PAPPA: variants seen among roughly 807,000 people sequenced by gnomAD.
The protein encoded by PAPPA is pappalysin 1.
PAPPA carries 60 observed loss-of-function variants against 164.0 expected under a neutral mutation model. That is an observed-to-expected ratio of 0.37 (90% CI 0.30 to 0.45). PAPPA has a LOEUF of 0.45. PAPPA is among the 20% of genes least tolerant of loss of function. PAPPA has a pLI of 1.00. For synonymous variants in PAPPA, 875 were observed against 814.1 expected (o/e 1.07, Z -1.27); for missense variants, 1,782 against 2,087.3 (o/e 0.85, Z 2.85).
Position 116,302,742 on chromosome 9 carries a change from G to C in PAPPA, c.2954-15G>C, listed in dbSNP as rs371674342. The C allele has an allele frequency of 1.2e-6, 2 of 1,600,590 alleles. No homozygotes were observed. Among genetic ancestry groups the C allele is most frequent in the African/African-American group, 2.7e-5 (2 of 74,582 alleles). ...ATTTATTTATTCTCTCCCTTTCTAT[G>C]TCAATCTTTTGCAGATGAACCCAGC... On this transcript the variant is annotated splice_polypyrimidine_tract_variant and intron_variant, in intron 9 of 21. Transcript: ENST00000328252.
At chr9:116,394,035 T>C (rs1588034483) in intron 21 of PAPPA, among the ~76,000 whole-genome samples, 2 of 152,188 alleles carry the variant, frequency 1.3e-5, no homozygotes, top group East Asian at 1.9e-4. Context: ...CTCATGGGTG[T>C]TTGAGCTCAA....
intron 10 of PAPPA, among the ~76,000 whole-genome samples, chr9:116,313,780 T>C (rs1326386564): frequency 1.3e-5 from 2 of 152,210 alleles, no homozygotes; most frequent in African/African-American, 4.8e-5. Context: ...ATTGGTTTAA[T>C]TTTAATTCGT....
chr9:116,295,278 A>G (rs1845487770), intron 9 of PAPPA, among the ~76,000 whole-genome samples: 1 of 152,302 alleles, frequency 6.6e-6, no homozygotes, highest in Non-Finnish European at 1.5e-5. Context: ...TGGGCCGGGC[A>G]TGGTGGCTCA....
chr9:116,390,925 T>G (rs1846883793), intron 21 of PAPPA, among the ~76,000 whole-genome samples: 1 of 152,200 alleles, frequency 6.6e-6, no homozygotes, highest in African/African-American at 2.4e-5. Flanking sequence ...TGCCATGCAT[T>G]ATTCTAATGC....
At position 116,382,861 on chromosome 9, in the gene PAPPA, G is replaced by A. The variant is rs150556498; in HGVS notation, c.4776+368G>A. ...TGAAACTTGAGGGATAAGAGGAAGG[G>A]GTGAGGAGGTGGTCAAAAGAACGGT... On this transcript the variant is annotated intron_variant, in intron 21 of 21. Transcript: ENST00000328252. Among the ~76,000 whole-genome samples the A allele has an allele frequency of 2.0e-5, 3 of 152,172 alleles. No homozygotes were observed. In the East Asian group the frequency reaches 5.8e-4, roughly 29 times the overall value.
chr9:116,187,394 C>T lies in PAPPA; in HGVS notation c.656C>T (p.Thr219Ile). The stretch of plus-strand genomic sequence containing the variant: ...TATGTGAATGGTGCCCAGGTGGCCA[C>T]CTCTGGGGAACAAGTGGGTGGCATA... Reference protein sequence around the residue: ...KLYVNGAQVATSGEQVGGIFS... With the variant: ...KLYVNGAQVAISGEQVGGIFS... The change falls in exon 2 of 22, where the codon ACC (threonine) becomes ATC (isoleucine). Residue 219 changes from threonine to isoleucine, a missense_variant. By Grantham distance (89) the Thr-to-Ile change is moderately conservative. Coordinates refer to ENST00000328252, the MANE Select transcript of PAPPA (RefSeq NM_002581.5). The surrounding 1 kb of genome is among the most constrained non-coding windows in gnomAD (Gnocchi z 4.2). 1.2e-6 allele frequency: 2 copies of T among 1,614,090 alleles called. No individual in the cohort carries two copies. The highest frequency in any genetic ancestry group is 1.7e-6 in the Non-Finnish European group (2 of 1,180,038).
In PAPPA at chr9:116,293,682, C is replaced by T. The variant is rs140137278; in HGVS notation, c.2954-9075C>T. On this transcript the variant is annotated intron_variant, in intron 9 of 21. Coordinates refer to ENST00000328252, the MANE Select transcript of PAPPA (RefSeq NM_002581.5). Reference sequence around the variant, plus strand: ...TGAAGTATTTCAAACAGGCTGGGCACGGTGGCTCATGCCTGTAATCCCAGC... The same window carrying T: ...TGAAGTATTTCAAACAGGCTGGGCATGGTGGCTCATGCCTGTAATCCCAGC... Among the ~76,000 whole-genome samples, 1,464 of 152,278 alleles carry T rather than the reference C, an allele frequency of 9.6e-3. 15 individuals are homozygous for T. Among genetic ancestry groups the T allele is most frequent in the South Asian group, 0.036 (173 of 4,822 alleles).
intron 10 of PAPPA, among the ~76,000 whole-genome samples, chr9:116,323,213 G>A (rs1465126932): frequency 6.6e-6 from 1 of 152,204 alleles, no homozygotes; most frequent in Non-Finnish European, 1.5e-5. Context: ...TTCTGCAAAG[G>A]AGGGGGATTT....
At chr9:116,155,713 C>T (rs1216817740) in intron 1 of PAPPA, among the ~76,000 whole-genome samples, 1 of 152,162 alleles carries the variant, frequency 6.6e-6, no homozygotes, top group African/African-American at 2.4e-5. Flanking sequence ...CCTGTCTTTC[C>T]ATGGCTTGGA....
chr9:116,165,869 G>A (rs1371171632), intron 1 of PAPPA, among the ~76,000 whole-genome samples: 1 of 152,134 alleles, frequency 6.6e-6, no homozygotes, highest in Non-Finnish European at 1.5e-5. Context: ...TTGTTCATCT[G>A]TTCCCACTAT....
intron 18 of PAPPA, 51 bp downstream of exon 18, chr9:116,362,790 A>G: frequency 1.9e-6 from 3 of 1,575,946 alleles, no homozygotes; most frequent in African/African-American, 1.3e-5. Flanking sequence ...CCTTCCAGCA[A>G]TGCAGGGCTA....
At chr9:116,366,810 C>T (rs572875062) in intron 18 of PAPPA, among the ~76,000 whole-genome samples, 1 of 152,272 alleles carries the variant, frequency 6.6e-6, no homozygotes, top group South Asian at 2.1e-4. Context: ...GGGGCTTGGC[C>T]TGTCAGGAAA....
At chr9:116,337,574 G>A (rs978072598) in intron 13 of PAPPA, among the ~76,000 whole-genome samples, 1 of 152,046 alleles carries the variant, frequency 6.6e-6, no homozygotes, top group Non-Finnish European at 1.5e-5. Context: ...CTGTTTCCCA[G>A]GTAGTGAAAA....
At chr9:116,331,598 C>T (rs1845992186) in intron 11 of PAPPA, among the ~76,000 whole-genome samples, 1 of 152,192 alleles carries the variant, frequency 6.6e-6, no homozygotes, top group East Asian at 1.9e-4. Flanking sequence ...CCTGGAACCT[C>T]CTATTCATTG....
At chr9:116,170,291 T>C (rs1470946404) in intron 1 of PAPPA, among the ~76,000 whole-genome samples, 1 of 152,194 alleles carries the variant, frequency 6.6e-6, no homozygotes. Flanking sequence ...ACTGAGCAAT[T>C]GCACTTTCCT....
intron 10 of PAPPA, among the ~76,000 whole-genome samples, chr9:116,326,016 A>G (rs1331242410): frequency 6.6e-6 from 1 of 152,176 alleles, no homozygotes; most frequent in Non-Finnish European, 1.5e-5. Context: ...AGGCATTGCT[A>G]CTTAGAAGAA....
rs1843566608 is a variant in PAPPA at position 116,154,071 on chromosome 9, A to T, written c.-102A>T. The T allele has an allele frequency of 2.6e-6, 3 of 1,159,060 alleles. No homozygotes were observed. Among genetic ancestry groups the T allele is most frequent in the Non-Finnish European group, 3.2e-6 (3 of 932,384 alleles). 71.8% of individuals were successfully genotyped at this position (1,159,060 alleles called of 1,614,324 possible). A position where few individuals can be genotyped will look rare whatever the true frequency, so the allele number is the denominator to read the frequency against. On this transcript the variant is annotated 5_prime_UTR_variant, in exon 1 of 22. Transcript: ENST00000328252. This position sits in a 1 kb window ranked among gnomAD's most constrained non-coding sequence, Gnocchi z 5.2. The stretch of plus-strand genomic sequence containing the variant: ...AAGTGGAAAGGGGGGCTCGCCCAAG[A>T]AGGGTGAAGAAGCGAAGAAAGTCGA...
intron 19 of PAPPA, among the ~76,000 whole-genome samples, chr9:116,372,061 CCTT>C (rs556313486): frequency 7.4e-4 from 112 of 152,154 alleles, no homozygotes; most frequent in African/African-American, 2.6e-3. Context: ...GTGTCCTAAA[CCTT>C]CTTTTTCTCA....
At chr9:116,360,968 G>A (rs545277110) in intron 17 of PAPPA, among the ~76,000 whole-genome samples, 3 of 152,324 alleles carry the variant, frequency 2.0e-5, no homozygotes, top group South Asian at 2.1e-4. Context: ...TGCCAGATAA[G>A]GTATTTGCAA....
Sources: gnomAD v4.1 joint callset for allele counts (sites outside exome capture counted in the v4.1 genomes callset) on GRCh38, gnomAD v4.1.1 for gene constraint, Gnocchi (gnomAD v3.1) non-coding constraint, MANE v1.5 for transcripts, NCBI Gene and HGNC (gene_info 2026-07-23, HGNC 2026-07-21) for gene names.